The following OSBPL11 variants were observed in gnomAD, a reference collection of about 807,000 sequenced individuals.
The protein encoded by OSBPL11 is oxysterol-binding protein-related protein 11.
In OSBPL11, 33 loss-of-function variants were observed where a neutral mutation model predicts 84.4. That is an observed-to-expected ratio of 0.39 (90% CI 0.30 to 0.52). The LOEUF is 0.52. OSBPL11 is among the 20% of genes least tolerant of loss of function. The pLI, the probability that OSBPL11 is intolerant of heterozygous loss-of-function variation, is 0.72. For synonymous variants in OSBPL11, 276 were observed against 310.2 expected, an observed-to-expected ratio of 0.89 and a Z score of 1.16; for missense variants, 736 against 901.1, an observed-to-expected ratio of 0.82 and a Z score of 2.35.
At chr3:125,538,696 C>G (rs557368860) in intron 10 of OSBPL11, 63 bp from the exon 11 acceptor site, 1 of 1,441,426 alleles carries the variant, frequency 6.9e-7, no homozygotes, top group African/African-American at 1.4e-5. Flanking sequence ...TTTCTTAGAT[C>G]TGAAACCCAA....
chr3:125,532,043 A>C, intron 11 of OSBPL11, 29 bp from the exon 12 acceptor site: 1 of 1,587,318 alleles, frequency 6.3e-7, no homozygotes, highest in African/African-American at 1.4e-5. Context: ...ACATTTTACA[A>C]GCATTCTTTA....
intron 9 of OSBPL11, among the ~76,000 whole-genome samples, chr3:125,550,371 T>TCACACACACA: frequency 1.5e-5 from 2 of 132,268 alleles, no homozygotes; most frequent in African/African-American, 5.7e-5. Flanking sequence ...CTAGACCGTG[T>TCACACACACA]CACACACACA....
chr3:125,582,685 C>T (rs2107610646), intron 2 of OSBPL11, among the ~76,000 whole-genome samples: 1 of 152,310 alleles, frequency 6.6e-6, no homozygotes, highest in Middle Eastern at 3.4e-3. Flanking sequence ...TTCTAATCCT[C>T]ATTTAATAGT....
intron 8 of OSBPL11, among the ~76,000 whole-genome samples, chr3:125,557,693 A>G (rs1438178692): frequency 6.7e-6 from 1 of 149,912 alleles, no homozygotes; most frequent in Non-Finnish European, 1.5e-5. Context: ...GCTCTTTAAT[A>G]TTGCCTGAAA....
At position 125,572,819 on chromosome 3, in the gene OSBPL11, T is replaced by A. The variant is rs546015143; in HGVS notation, c.666+3370A>T. Among the ~76,000 whole-genome samples the A allele has an allele frequency of 1.2e-3, 159 of 128,072 alleles. 1 individual carries two copies. The highest frequency in any genetic ancestry group is 3.2e-3 in the South Asian group (14 of 4,394). The allele number at this position is 128,072 out of a possible 152,430, so 84.0% of individuals were successfully genotyped here. ...ATGGACTAATTATATATATATATATTTTTTATGTATACATATATATATTTT... is the reference window on the plus strand; with the variant it reads ...ATGGACTAATTATATATATATATATATTTTATGTATACATATATATATTTT... On this transcript the variant is annotated intron_variant, in intron 5 of 12. Transcript: ENST00000296220.
intron 4 of OSBPL11, among the ~76,000 whole-genome samples, chr3:125,577,697 C>A (rs1189022455): frequency 6.6e-6 from 1 of 151,998 alleles, no homozygotes; most frequent in Non-Finnish European, 1.5e-5. Flanking sequence ...GGCGTGGTGG[C>A]AGGTGCCTGT....
At chr3:125,530,978 T>C (rs889074053) in intron 12 of OSBPL11, among the ~76,000 whole-genome samples, 1 of 117,368 alleles carries the variant, frequency 8.5e-6, no homozygotes, top group African/African-American at 4.6e-5. Flanking sequence ...TCATTTTTTT[T>C]CTTTCCTTTT....
chr3:125,534,803 C>T (rs1935615243), intron 11 of OSBPL11, among the ~76,000 whole-genome samples: 1 of 151,472 alleles, frequency 6.6e-6, no homozygotes, highest in African/African-American at 2.4e-5. Context: ...TCATCATTGA[C>T]TTATTGTCTA....
intron 8 of OSBPL11, among the ~76,000 whole-genome samples, chr3:125,553,086 T>G (rs1449442753): frequency 1.3e-5 from 2 of 152,154 alleles, no homozygotes; most frequent in African/African-American, 4.8e-5. Flanking sequence ...CACTTGTACC[T>G]GAGCAACAGA....
chr3:125,573,680 T>C (rs955247897), intron 5 of OSBPL11, among the ~76,000 whole-genome samples: 2 of 151,926 alleles, frequency 1.3e-5, no homozygotes, highest in South Asian at 4.2e-4. Context: ...CTGGCCAACA[T>C]GGAGAAACCC....
intron 8 of OSBPL11, 33 bp downstream of exon 8, chr3:125,560,346 C>G (rs1437761677): frequency 2.0e-6 from 3 of 1,477,390 alleles, no homozygotes; most frequent in Non-Finnish European, 2.7e-6. Context: ...CAGCCCTTAA[C>G]AATCTCCATA....
intron 5 of OSBPL11, among the ~76,000 whole-genome samples, chr3:125,574,936 G>A (rs143168467): frequency 9.2e-5 from 14 of 152,228 alleles, no homozygotes; most frequent in African/African-American, 2.6e-4. Context: ...AAAGTTCACC[G>A]ATATATATTA....
At chr3:125,542,045 A>G (rs1935736519) in intron 10 of OSBPL11, among the ~76,000 whole-genome samples, 1 of 152,236 alleles carries the variant, frequency 6.6e-6, no homozygotes, top group Admixed American at 6.5e-5. Context: ...ATACAAATAA[A>G]AGTTAGGTAC....
In OSBPL11 at chr3:125,552,371, C is replaced by A; in HGVS notation, c.1464G>T (p.Ser488=). 1 of 1,614,036 alleles carries A rather than the reference C, an allele frequency of 6.2e-7. No homozygotes were observed. Among genetic ancestry groups the A allele is most frequent in the Non-Finnish European group, 8.5e-7 (1 of 1,180,008 alleles). ...TQGVTNHAPL[S]GESLTQVGSD... is the part of the protein sequence containing the mutation. ...ATCCCACCTGGGTCAAAGACTCCCC[C>A]GATAAAGGAGCATGATTTGTGACTC... Residue 488 remains serine, a synonymous_variant, in exon 9 of 13, where the codon TCG becomes TCT. Transcript: ENST00000296220.
chr3:125,588,974 C>T (rs1936555426), intron 1 of OSBPL11, among the ~76,000 whole-genome samples: 1 of 152,186 alleles, frequency 6.6e-6, no homozygotes, highest in African/African-American at 2.4e-5. Context: ...GTCCTCCCTC[C>T]TGCCAAGAGT....
intron 12 of OSBPL11, among the ~76,000 whole-genome samples, chr3:125,530,846 C>T (rs1935544896): frequency 6.6e-6 from 1 of 152,152 alleles, no homozygotes; most frequent in Non-Finnish European, 1.5e-5. Flanking sequence ...GCAATTTTGC[C>T]AATTTCGCCA....
Position 125,552,546 on chromosome 3 carries a change from T to G in OSBPL11, c.1289A>C (p.Glu430Ala). The G allele has an allele frequency of 6.2e-7, 1 of 1,614,216 alleles. No individual in the cohort carries two copies. Among genetic ancestry groups the G allele is most frequent in the Non-Finnish European group, 8.5e-7 (1 of 1,180,030 alleles). Residue 430 changes from glutamate (E) to alanine (A), a missense_variant, in exon 9 of 13, where the codon GAG becomes GCG. This residue lies in a region of OSBPL11 where 579 missense variants were observed against 717.6 expected (regional missense o/e 0.81). Transcript: ENST00000296220. ...TAEDRMIRFV[E>A]YYLTSFHEGR... ...TTCATGAAATGAGGTAAGGTAGTAC[T>G]CAACAAAGCGAATCATTCTGTCCTC...
chr3:125,531,227 C>T (rs1186694464), intron 12 of OSBPL11, among the ~76,000 whole-genome samples: 2 of 151,744 alleles, frequency 1.3e-5, no homozygotes, highest in African/African-American at 2.4e-5. Context: ...ATCCGCCCGC[C>T]TCGGCCTCCC....
chr3:125,558,546 C>T (rs767940506), intron 8 of OSBPL11, among the ~76,000 whole-genome samples: 7 of 152,126 alleles, frequency 4.6e-5, no homozygotes, highest in Non-Finnish European at 8.8e-5. Flanking sequence ...TTTAAATCTA[C>T]CTTCAATGGC....
Sources: gnomAD v4.1 joint callset for allele counts (sites outside exome capture counted in the v4.1 genomes callset) on GRCh38, gnomAD v4.1.1 for gene constraint, gnomAD v4.1.1 regional missense constraint, MANE v1.5 for transcripts, NCBI Gene and HGNC (gene_info 2026-07-23, HGNC 2026-07-21) for gene names.